Variants in NCALD observed in about 807,000 individuals in gnomAD.
NCALD encodes neurocalcin delta, also known as neurocalcin-delta.
Under a neutral mutation model 18.6 loss-of-function variants are expected in NCALD, and 10 were observed. The observed-to-expected ratio is 0.54, with a 90% CI of 0.33 to 0.91. The LOEUF (loss-of-function observed/expected upper bound fraction) is 0.91. Ranked by LOEUF, NCALD falls within the 40% of genes least tolerant of loss-of-function variation. The probability of loss-of-function intolerance (pLI) is 0.03; values close to 1 mark genes in which losing one functional copy is unlikely to be tolerated. For synonymous variants in NCALD, 88 were observed against 87.4 expected, an observed-to-expected ratio of 1.01 and a Z score of -0.04; for missense variants, 184 against 247.6, an observed-to-expected ratio of 0.74 and a Z score of 1.72.
At chr8:101,934,864 T>C (rs988516804) in intron 2 of NCALD, among the ~76,000 whole-genome samples, 1 of 152,056 alleles carries the variant, frequency 6.6e-6, no homozygotes, top group African/African-American at 2.4e-5. Context: ...AAGATTTAAA[T>C]ACACAAAGAG....
intron 1 of NCALD, among the ~76,000 whole-genome samples, chr8:101,744,973 G>A (rs1810366677): frequency 8.1e-6 from 1 of 122,866 alleles, no homozygotes; most frequent in Non-Finnish European, 1.6e-5. Context: ...GCCTTTGTAG[G>A]AATCAAAGCA....
intron 1 of NCALD, among the ~76,000 whole-genome samples, chr8:101,788,423 C>T (rs1004622006): frequency 2.0e-5 from 3 of 152,178 alleles, no homozygotes; most frequent in Non-Finnish European, 2.9e-5. Context: ...ATATTTTCAC[C>T]TCATTTTACA....
chr8:101,875,077 C>A (rs1415176320), intron 4 of NCALD, among the ~76,000 whole-genome samples: 1 of 152,186 alleles, frequency 6.6e-6, no homozygotes, highest in African/African-American at 2.4e-5. Context: ...TGAGAGTTTG[C>A]TATGTGCCGG....
chr8:102,062,030 G>C (rs1457246928), intron 1 of NCALD, among the ~76,000 whole-genome samples: 1 of 152,220 alleles, frequency 6.6e-6, no homozygotes, highest in African/African-American at 2.4e-5. Context: ...CACTAGCCAA[G>C]TTATTCCTTG....
intron 1 of NCALD, among the ~76,000 whole-genome samples, chr8:102,107,226 A>ATG (rs1825493034): frequency 7.4e-6 from 1 of 134,490 alleles, no homozygotes; most frequent in Non-Finnish European, 1.6e-5. Flanking sequence ...ATATATATAT[A>ATG]TATATATATA....
At chr8:101,762,694 C>G (rs1310871443) in intron 1 of NCALD, among the ~76,000 whole-genome samples, 1 of 152,018 alleles carries the variant, frequency 6.6e-6, no homozygotes, top group East Asian at 1.9e-4. Flanking sequence ...CTCCCTCAGC[C>G]TCCCAAGTAG....
intron 1 of NCALD, among the ~76,000 whole-genome samples, chr8:102,103,193 C>T (rs977500411): frequency 1.3e-5 from 2 of 152,108 alleles, no homozygotes; most frequent in Non-Finnish European, 2.9e-5. Flanking sequence ...CTTCCCTCCC[C>T]TCTACTGTAC....
chr8:101,925,860 G>A (rs1227798113), intron 2 of NCALD, among the ~76,000 whole-genome samples: 1 of 152,196 alleles, frequency 6.6e-6, no homozygotes, highest in African/African-American at 2.4e-5. Context: ...AAAGACAGGA[G>A]GAAATGATGG....
At chr8:101,839,819 G>A (rs1398682878) in intron 4 of NCALD, among the ~76,000 whole-genome samples, 1 of 151,950 alleles carries the variant, frequency 6.6e-6, no homozygotes, top group Non-Finnish European at 1.5e-5. Context: ...GAGGAACGCT[G>A]AAGTCCCTGA....
intron 1 of NCALD, among the ~76,000 whole-genome samples, chr8:102,073,243 G>C (rs1052805404): frequency 6.6e-6 from 1 of 152,190 alleles, no homozygotes; most frequent in East Asian, 1.9e-4. Flanking sequence ...AGAGGTTGCA[G>C]TGAGCCAAGA....
chr8:102,086,570 G>C (rs973298983), intron 1 of NCALD, among the ~76,000 whole-genome samples: 2 of 152,076 alleles, frequency 1.3e-5, no homozygotes, highest in Admixed American at 1.3e-4. Flanking sequence ...TCTCTTGCCT[G>C]GACTCCTGTC....
At chr8:102,088,430 C>T (rs1231449445) in intron 1 of NCALD, among the ~76,000 whole-genome samples, 1 of 151,780 alleles carries the variant, frequency 6.6e-6, no homozygotes, top group East Asian at 1.9e-4. Context: ...ATAAAAAATT[C>T]AAAAGGACGT....
chr8:102,001,976 CA>C (rs1316479532), intron 2 of NCALD, among the ~76,000 whole-genome samples: 1 of 152,130 alleles, frequency 6.6e-6, no homozygotes, highest in African/African-American at 2.4e-5. Context: ...AACTAATGAG[CA>C]AAATAACCAG....
intron 2 of NCALD, among the ~76,000 whole-genome samples, chr8:101,939,215 G>T (rs999272159): frequency 6.6e-6 from 1 of 152,204 alleles, no homozygotes; most frequent in Admixed American, 6.5e-5. Flanking sequence ...ACAAGTGAAT[G>T]AAGATCTTTC....
intron 2 of NCALD, among the ~76,000 whole-genome samples, chr8:101,708,808 C>T (rs1206335063): frequency 6.6e-6 from 1 of 152,166 alleles, no homozygotes; most frequent in African/African-American, 2.4e-5. Context: ...TCCCAGAGCA[C>T]ATCTAAGCAC....
At chr8:101,701,012 GTTA>G (rs1197833810) in intron 2 of NCALD, among the ~76,000 whole-genome samples, 1 of 152,102 alleles carries the variant, frequency 6.6e-6, no homozygotes, top group African/African-American at 2.4e-5. Flanking sequence ...GAATTAGTGG[GTTA>G]TTTACAAAGC....
chr8:101,769,681 C>T (rs551448453), intron 1 of NCALD, among the ~76,000 whole-genome samples: 87 of 151,814 alleles, frequency 5.7e-4, no homozygotes, highest in African/African-American at 1.6e-3. Context: ...TTACCTGCAA[C>T]GGCATCTTTC....
chr8:101,853,049 A>G (rs906129588), intron 4 of NCALD, among the ~76,000 whole-genome samples: 1 of 152,172 alleles, frequency 6.6e-6, no homozygotes, highest in African/African-American at 2.4e-5. Flanking sequence ...CAGACTGCCC[A>G]TGTCCAAACC....
At chr8:102,041,597 C>T (rs1333197415) in intron 1 of NCALD, among the ~76,000 whole-genome samples, 1 of 152,208 alleles carries the variant, frequency 6.6e-6, no homozygotes, top group Non-Finnish European at 1.5e-5. Flanking sequence ...TGACCAAAGG[C>T]CTAGAGAGTA....
Sources: gnomAD v4.1 joint callset for allele counts (sites outside exome capture counted in the v4.1 genomes callset) on GRCh38, gnomAD v4.1.1 for gene constraint, MANE v1.5 for transcripts, NCBI Gene and HGNC (gene_info 2026-07-23, HGNC 2026-07-21) for gene names.